CRADD: variants seen among roughly 807,000 people sequenced by gnomAD.
CRADD encodes CARD and death domain containing adaptor protein.
Under a neutral mutation model 15.5 loss-of-function variants are expected in CRADD, and 9 were observed. The observed-to-expected ratio is 0.58, with a 90% confidence interval of 0.35 to 1.01. CRADD has a LOEUF of 1.01. Among genes scored for constraint, CRADD ranks in the 50% least tolerant of loss-of-function variants. The pLI is 0.02. For synonymous variants in CRADD, 118 were observed against 107.6 expected (o/e 1.10, Z -0.60); for missense variants, 227 against 250.3 (o/e 0.91, Z 0.63).
At chr12:93,696,645 C>G (rs1472344924) in intron 2 of CRADD, among the ~76,000 whole-genome samples, 2 of 151,414 alleles carry the variant, frequency 1.3e-5, no homozygotes, top group African/African-American at 4.9e-5. Flanking sequence ...GAAATAAGTT[C>G]AAGAGATCTA....
chr12:93,723,536 C>T (rs1956302153), intron 2 of CRADD, among the ~76,000 whole-genome samples: 1 of 152,228 alleles, frequency 6.6e-6, no homozygotes, highest in African/African-American at 2.4e-5. Flanking sequence ...ACCCTGCTGC[C>T]TCCAAATTAT....
At position 93,685,886 on chromosome 12, in the gene CRADD, G is replaced by C. The variant is rs958267750; in HGVS notation, c.298+6814G>C. On this transcript the variant is annotated intron_variant, in intron 2 of 2. Coordinates refer to ENST00000332896, the MANE Select transcript of CRADD (RefSeq NM_003805.5). ...CAGGCGCCTGGAATCCCAGCTACTT[G>C]GGAGGCTGAGGCAGGAGAATCGCTT... 5.3e-5 allele frequency among the ~76,000 whole-genome samples: 8 copies of C among 151,400 alleles called. 1 individual carries two copies. The highest frequency in any genetic ancestry group is 5.3e-4 in the Admixed American group (8 of 15,218).
intron 2 of CRADD, among the ~76,000 whole-genome samples, chr12:93,866,955 G>A (rs114394187): frequency 5.3e-5 from 8 of 152,076 alleles, no homozygotes; most frequent in South Asian, 2.1e-4. Flanking sequence ...TGTTTTTGCT[G>A]TCTCTAAACC....
At position 93,683,224 on chromosome 12, in the gene CRADD, G is replaced by C. The variant is rs149283534; in HGVS notation, c.298+4152G>C. 5.6e-3 allele frequency among the ~76,000 whole-genome samples: 860 copies of C among 152,272 alleles called. 9 individuals carry two copies. The highest frequency in any genetic ancestry group is 0.02 in the African/African-American group (811 of 41,542). ...TCTGGTGGGACTCAGCGTAAATCACGGTGGGAGTGACTCCTGGGCCACAGG... is the reference window on the plus strand; with the variant it reads ...TCTGGTGGGACTCAGCGTAAATCACCGTGGGAGTGACTCCTGGGCCACAGG... On this transcript the variant is annotated intron_variant, in intron 2 of 2. Transcript: ENST00000332896.
In CRADD at chr12:93,790,190, A is replaced by G. The variant is rs191668734; in HGVS notation, c.299-59780A>G. Reference sequence around the variant, plus strand: ...GTCTTGTGGAACCTATAGCCGCAGAAAGAGCTTTGTTTCTCTGGGTGAAAA... The same window carrying G: ...GTCTTGTGGAACCTATAGCCGCAGAGAGAGCTTTGTTTCTCTGGGTGAAAA... On this transcript the variant is annotated intron_variant, in intron 2 of 2. Coordinates refer to ENST00000332896, the MANE Select transcript of CRADD (RefSeq NM_003805.5). Among the ~76,000 whole-genome samples the G allele has an allele frequency of 2.1e-3, 319 of 152,294 alleles. 1 individual carries two copies. The highest frequency in any genetic ancestry group is 6.4e-3 in the African/African-American group (267 of 41,554).
intron 2 of CRADD, among the ~76,000 whole-genome samples, chr12:93,704,122 A>T (rs1007082479): frequency 1.3e-5 from 2 of 151,218 alleles, no homozygotes; most frequent in African/African-American, 4.9e-5. Context: ...CACCTGGCCT[A>T]TTTGGAGCCT....
intron 2 of CRADD, among the ~76,000 whole-genome samples, chr12:93,720,288 C>T (rs1956235772): frequency 6.6e-6 from 1 of 152,110 alleles, no homozygotes; most frequent in Admixed American, 6.6e-5. Context: ...GATCTGACAG[C>T]AGATTTTATA....
At chr12:93,711,830 A>T (rs1956080412) in intron 2 of CRADD, among the ~76,000 whole-genome samples, 1 of 150,128 alleles carries the variant, frequency 6.7e-6, no homozygotes, top group Non-Finnish European at 1.5e-5. Flanking sequence ...ATCTCAGCTC[A>T]CTGCAACCTC....
chr12:93,734,226 TA>T (rs1956523480), intron 2 of CRADD, among the ~76,000 whole-genome samples: 1 of 152,204 alleles, frequency 6.6e-6, no homozygotes, highest in Non-Finnish European at 1.5e-5. Context: ...GGTATAGTAG[TA>T]AAATAGTCAA....
intron 2 of CRADD, among the ~76,000 whole-genome samples, chr12:93,791,471 G>T (rs556647735): frequency 2.8e-4 from 43 of 152,314 alleles, no homozygotes; most frequent in African/African-American, 1.0e-3. Context: ...GAATCTAAAA[G>T]AGTTAAACTC....
At chr12:93,766,678 C>T (rs775845417) in intron 2 of CRADD, among the ~76,000 whole-genome samples, 1 of 152,174 alleles carries the variant, frequency 6.6e-6, no homozygotes, top group South Asian at 2.1e-4. Flanking sequence ...CGTGATTGGT[C>T]GATTGCTTCT....
intron 2 of CRADD, among the ~76,000 whole-genome samples, chr12:93,699,553 A>G (rs1486472305): frequency 6.6e-6 from 1 of 152,214 alleles, no homozygotes; most frequent in South Asian, 2.1e-4. Flanking sequence ...CCCATCCATT[A>G]GGTATTTAAT....
intron 2 of CRADD, among the ~76,000 whole-genome samples, chr12:93,783,000 A>C (rs1170146650): frequency 5.3e-5 from 8 of 152,150 alleles, no homozygotes; most frequent in Non-Finnish European, 8.8e-5. Flanking sequence ...TGGAAAATTC[A>C]CATAATAAAA....
chr12:93,843,793 T>C lies in CRADD; in HGVS notation c.299-6177T>C, dbSNP rs7306659. Among the ~76,000 whole-genome samples the C allele has an allele frequency of 8.9e-3, 1,359 of 152,174 alleles. 22 individuals are homozygous for C. Among genetic ancestry groups the C allele is most frequent in the African/African-American group, 0.031 (1,289 of 41,494 alleles). ...TGGAGTGCAGTGATGCGATCTCAGCTCACTGCAACCTCTGCCTCCCGAGTT... is the reference window on the plus strand; with the variant it reads ...TGGAGTGCAGTGATGCGATCTCAGCCCACTGCAACCTCTGCCTCCCGAGTT... On this transcript the variant is annotated intron_variant, in intron 2 of 2. Coordinates refer to ENST00000332896, the MANE Select transcript of CRADD (RefSeq NM_003805.5).
intron 2 of CRADD, among the ~76,000 whole-genome samples, chr12:93,799,686 T>C (rs1410936495): frequency 6.6e-6 from 1 of 152,250 alleles, no homozygotes; most frequent in Non-Finnish European, 1.5e-5. Flanking sequence ...TAATGACTGT[T>C]TTATTCTGAA....
chr12:93,833,816 T>C (rs936549080), intron 2 of CRADD, among the ~76,000 whole-genome samples: 27 of 98,258 alleles, frequency 2.7e-4, no homozygotes, highest in Admixed American at 7.9e-4. Context: ...CTGGTTTTCA[T>C]TTTGTGTTTT....
At chr12:93,754,979 G>A (rs1956871973) in intron 2 of CRADD, among the ~76,000 whole-genome samples, 1 of 151,882 alleles carries the variant, frequency 6.6e-6, no homozygotes, top group African/African-American at 2.4e-5. Flanking sequence ...AAAAAAAAAG[G>A]GTTTAGTGGA....
chr12:93,889,539 C>A (rs772582832), intron 2 of CRADD, among the ~76,000 whole-genome samples: 32 of 152,180 alleles, frequency 2.1e-4, no homozygotes, highest in Admixed American at 1.8e-3. Context: ...CCCTTGCCCT[C>A]CACTGCAGCA....
At chr12:93,854,127 T>C (rs1958251384), downstream of CRADD, among the ~76,000 whole-genome samples, 1 of 152,142 alleles carries the variant, frequency 6.6e-6, no homozygotes, top group African/African-American at 2.4e-5. Flanking sequence ...GGCTTAAAAT[T>C]TAGCCCACAA....
Sources: gnomAD v4.1 joint callset for allele counts (sites outside exome capture counted in the v4.1 genomes callset) on GRCh38, gnomAD v4.1.1 for gene constraint, MANE v1.5 for transcripts, NCBI Gene and HGNC (gene_info 2026-07-23, HGNC 2026-07-21) for gene names.